The following PDXP variants were observed in gnomAD, a reference collection of about 807,000 sequenced individuals.
The protein encoded by PDXP is pyridoxal phosphatase.
In PDXP, 15 loss-of-function variants were observed where a neutral mutation model predicts 14.4. That is an observed-to-expected ratio of 1.04 (90% CI 0.70 to 1.60). The LOEUF is 1.60. Among genes scored for constraint, PDXP ranks in the 40% most tolerant of loss-of-function variants. PDXP has a pLI of 0.00. For missense variants in PDXP, 413 were observed against 427.6 expected, an observed-to-expected ratio of 0.97 and a Z score of 0.30; for synonymous variants, 233 against 205.6, an observed-to-expected ratio of 1.13 and a Z score of -1.14.
rs753956304 is a variant in PDXP, at chr22:37,665,632, A to G, written c.652A>G (p.Met218Val). The G allele has an allele frequency of 3.1e-6, 5 of 1,613,768 alleles. No individual in the cohort carries two copies. The highest frequency in any genetic ancestry group is 1.6e-4 in the Middle Eastern group (1 of 6,084). ...ALVVGKPSPYMFECITENFSI... is the reference protein window; with the variant it reads ...ALVVGKPSPYVFECITENFSI... ...GGTGGTGGGCAAGCCCAGCCCCTAC[A>G]TGTTCGAGTGCATCACGGAGAACTT... Residue 218 changes from methionine (M) to valine (V), a missense_variant, in exon 2 of 2, where the codon ATG (methionine) becomes GTG (valine). Transcript: ENST00000215904.
At chr22:37,663,691 C>T (rs1329215703) in intron 1 of PDXP, among the ~76,000 whole-genome samples, 2 of 152,012 alleles carry the variant, frequency 1.3e-5, no homozygotes, top group Non-Finnish European at 2.9e-5. Flanking sequence ...CTGCTGCCAC[C>T]TGCTTTTGTC....
At chr22:37,661,606 C>A (rs939411386) in intron 1 of PDXP, among the ~76,000 whole-genome samples, 14 of 152,108 alleles carry the variant, frequency 9.2e-5, no homozygotes, top group Non-Finnish European at 1.5e-4. Flanking sequence ...TGATGGTGGC[C>A]TGGGAGACGG....
intron 1 of PDXP, among the ~76,000 whole-genome samples, chr22:37,660,409 C>G (rs564301811): frequency 6.6e-6 from 1 of 152,308 alleles, no homozygotes; most frequent in African/African-American, 2.4e-5. Context: ...CAGAATTCTG[C>G]CAGCAACTCT....
rs1921063796 is a variant in PDXP, at chr22:37,665,875, C to T, written c.*4C>T. 6.2e-7 allele frequency: 1 copy of T among 1,608,570 alleles called. No homozygotes were observed. Among genetic ancestry groups the T allele is most frequent in the Admixed American group, 1.7e-5 (1 of 59,888 alleles). On this transcript the variant is annotated 3_prime_UTR_variant, in exon 2 of 2. Transcript: ENST00000215904. ...GACAGAGGGGTTGGAGGACTGAGCC[C>T]ACTGCACCTGCAGCCACAGGCCCAC...
Position 37,659,301 on chromosome 22 carries a change from C to G in PDXP, c.519C>G (p.Leu173=). 3.1e-6 allele frequency: 4 copies of G among 1,308,080 alleles called. No individual in the cohort carries two copies. Among genetic ancestry groups the G allele is most frequent in the East Asian group, 2.8e-5 (1 of 35,780 alleles). The allele number at this position is 1,308,080 out of a possible 1,614,324, so 81.0% of individuals were successfully genotyped here. A position where few individuals can be genotyped will look rare whatever the true frequency, so the allele number is the denominator to read the frequency against. The change falls in exon 1 of 2, where the codon CTC becomes CTG. Residue 173 remains leucine, a synonymous_variant. Coordinates refer to ENST00000215904, the MANE Select transcript of PDXP (RefSeq NM_020315.5). ...CAHLRDPECL[L]VATDRDPWHP... ...ACCTGCGCGACCCCGAGTGCCTACTCGTGGCCACCGACCGTGACCCATGGC... is the reference window on the plus strand; with the variant it reads ...ACCTGCGCGACCCCGAGTGCCTACTGGTGGCCACCGACCGTGACCCATGGC...
At chr22:37,660,967 T>G (rs1035527310) in intron 1 of PDXP, among the ~76,000 whole-genome samples, 1 of 152,108 alleles carries the variant, frequency 6.6e-6, no homozygotes, top group Non-Finnish European at 1.5e-5. Flanking sequence ...TCAGCCTCAG[T>G]TTCCCTATAA....
rs1933137145 is a variant in PDXP at position 37,658,895 on chromosome 22, C to T, written c.113C>T (p.Pro38Leu). 2 of 1,223,054 alleles carry T rather than the reference C, an allele frequency of 1.6e-6. No homozygotes were observed. Among genetic ancestry groups the T allele is most frequent in the Non-Finnish European group, 2.0e-6 (2 of 980,992 alleles). The allele number at this position is 1,223,054 out of a possible 1,614,324, so 75.8% of individuals were successfully genotyped here. The change falls in exon 1 of 2, where the codon CCG becomes CTG. Residue 38 changes from proline to leucine, a missense_variant. Pro to Leu is a moderately conservative substitution (Grantham distance 98, BLOSUM62 -3). Coordinates refer to ENST00000215904, the MANE Select transcript of PDXP (RefSeq NM_020315.5). The stretch of plus-strand genomic sequence containing the variant: ...CTGTGGAACGGCGAGCGCGCCGTGC[C>T]GGGCGCCCCGGAGCTGCTGGAGCGG... ...GVLWNGERAV[P>L]GAPELLERLA...
In PDXP at chr22:37,665,812, C is replaced by T. The variant is rs1921060177; in HGVS notation, c.832C>T (p.Leu278Phe). ...QAYLAAGQHD[L>F]VPHYYVESIA... ...CTACCTAGCGGCCGGCCAGCACGAC[C>T]TCGTGCCCCATTACTATGTGGAGAG... The change falls in exon 2 of 2, where the codon CTC becomes TTC. Residue 278 changes from leucine (L) to phenylalanine (F), a missense_variant. Coordinates refer to ENST00000215904, the MANE Select transcript of PDXP (RefSeq NM_020315.5). 1 of 1,613,932 alleles carries T rather than the reference C, an allele frequency of 6.2e-7. No homozygotes were observed. The highest frequency in any genetic ancestry group is 1.3e-5 in the African/African-American group (1 of 74,954).
chr22:37,664,103 G>A (rs1920996238), intron 1 of PDXP, among the ~76,000 whole-genome samples: 1 of 151,522 alleles, frequency 6.6e-6, no homozygotes, highest in Admixed American at 6.6e-5. Context: ...GCTAATTTTT[G>A]TGTTTTTAGT....
Position 37,665,679 on chromosome 22 carries a change from G to A in PDXP, c.699G>A (p.Thr233=), listed in dbSNP as rs773408710. 27 of 1,614,004 alleles carry A rather than the reference G, an allele frequency of 1.7e-5. No individual in the cohort carries two copies. Among genetic ancestry groups the A allele is most frequent in the Non-Finnish European group, 1.9e-5 (22 of 1,180,026 alleles). The change falls in exon 2 of 2, where the codon ACG becomes ACA. Residue 233 remains threonine, a synonymous_variant. Coordinates refer to ENST00000215904, the MANE Select transcript of PDXP (RefSeq NM_020315.5). Reference sequence around the variant, plus strand: ...ACTTCAGCATCGACCCCGCACGCACGCTTATGGTGGGTGACCGCCTGGAGA... The same window carrying A: ...ACTTCAGCATCGACCCCGCACGCACACTTATGGTGGGTGACCGCCTGGAGA... The part of the protein sequence containing the change: ...TENFSIDPAR[T]LMVGDRLETD...
In PDXP at chr22:37,660,929, A is replaced by C. The variant is rs150389072; in HGVS notation, c.574+1573A>C. Among the ~76,000 whole-genome samples, 506 of 152,212 alleles carry C rather than the reference A, an allele frequency of 3.3e-3. 7 individuals carry two copies. Among genetic ancestry groups the C allele is most frequent in the African/African-American group, 0.012 (488 of 41,528 alleles). ...TTGGCCTCTCCTGGCTGTGCTGCAC[A>C]CCTGCTTGGTATGTGGGCGGGCTCA... On this transcript the variant is annotated intron_variant, in intron 1 of 1. Transcript: ENST00000215904.
Position 37,665,852 on chromosome 22 carries a change from CAG to C in PDXP, c.875_876del (p.Glu292GlyfsTer98), listed in dbSNP as rs1921061980. On this transcript the variant is annotated frameshift_variant, in exon 2 of 2. Transcript: ENST00000215904. LOFTEE classifies it high-confidence loss of function. ...TATGTGGAGAGCATCGCAGACTTGA[CAG>C]AGGGGTTGGAGGACTGAGCCCACTG... The C allele has an allele frequency of 1.2e-6, 2 of 1,613,400 alleles. No individual in the cohort carries two copies. Among genetic ancestry groups the C allele is most frequent in the Non-Finnish European group, 1.7e-6 (2 of 1,179,760 alleles).
At chr22:37,662,262 A>G (rs1933221256) in intron 1 of PDXP, among the ~76,000 whole-genome samples, 1 of 152,006 alleles carries the variant, frequency 6.6e-6, no homozygotes, top group Non-Finnish European at 1.5e-5. Context: ...TCTCTTCCTC[A>G]TCTGGGGACA....
rs1197893247 is a variant in PDXP, at chr22:37,665,882, C to A, written c.*11C>A. 1.2e-6 allele frequency: 2 copies of A among 1,606,190 alleles called. No individual in the cohort carries two copies. The highest frequency in any genetic ancestry group is 1.7e-4 in the Middle Eastern group (1 of 6,044). On this transcript the variant is annotated 3_prime_UTR_variant, in exon 2 of 2. Transcript: ENST00000215904. ...GGGTTGGAGGACTGAGCCCACTGCA[C>A]CTGCAGCCACAGGCCCACCCCTCCC...
rs375952977 is a variant in PDXP, at chr22:37,664,173, C to T, written c.575-1382C>T. Reference sequence around the variant, plus strand: ...CTTGAACTCCTGACCTCAGATGATCCGCCTGCTTCAGACTCCCAAAGTCCT... The same window carrying T: ...CTTGAACTCCTGACCTCAGATGATCTGCCTGCTTCAGACTCCCAAAGTCCT... On this transcript the variant is annotated intron_variant, in intron 1 of 1. Coordinates refer to ENST00000215904, the MANE Select transcript of PDXP (RefSeq NM_020315.5). Among the ~76,000 whole-genome samples, 43 of 151,902 alleles carry T rather than the reference C, an allele frequency of 2.8e-4. 1 individual carries two copies. The East Asian group carries it at 3.5e-3, about 12-fold the overall frequency.
intron 1 of PDXP, among the ~76,000 whole-genome samples, chr22:37,664,687 C>T (rs913285237): frequency 6.6e-6 from 1 of 152,118 alleles, no homozygotes; most frequent in Non-Finnish European, 1.5e-5. Context: ...GCATGAAGGC[C>T]GAATGTTCTG....
In PDXP at chr22:37,665,715, C is replaced by T; in HGVS notation, c.735C>T (p.Leu245=). The change falls in exon 2 of 2, where the codon CTC becomes CTT. Residue 245 remains leucine (L), a synonymous_variant. Coordinates refer to ENST00000215904, the MANE Select transcript of PDXP (RefSeq NM_020315.5). ...MVGDRLETDI[L]FGHRCGMTTV... is the part of the protein sequence containing the mutation. ...GTGACCGCCTGGAGACCGACATCCT[C>T]TTTGGCCACCGCTGCGGCATGACCA... The T allele has an allele frequency of 1.2e-6, 2 of 1,614,178 alleles. No homozygotes were observed. The highest frequency in any genetic ancestry group is 1.7e-6 in the Non-Finnish European group (2 of 1,180,034).
rs1601594868 is a variant in PDXP at position 37,659,074 on chromosome 22, C to T, written c.292C>T (p.Gln98Ter). 10 of 1,100,796 alleles carry T rather than the reference C, an allele frequency of 9.1e-6. No individual in the cohort carries two copies. The highest frequency in any genetic ancestry group is 1.1e-5 in the Non-Finnish European group (10 of 905,294). The allele number at this position is 1,100,796 out of a possible 1,614,324, so 68.2% of individuals were successfully genotyped here. Residue 98 changes from glutamine (Q) to a stop codon, truncating the protein, a stop_gained, in exon 1 of 2, where the codon CAG (glutamine) becomes TAG (stop). Coordinates refer to ENST00000215904, the MANE Select transcript of PDXP (RefSeq NM_020315.5). LOFTEE classifies it high-confidence loss of function. ...GCTGTGCGCCGCGCGCCTGCTGCGC[C>T]AGCGCCTGCCCGGGCCTCCGGACGC... ...SALCAARLLR[Q>*]RLPGPPDAPG...
chr22:37,659,023 C>A lies in PDXP; in HGVS notation c.241C>A (p.Arg81Ser). 8.5e-7 allele frequency: 1 copy of A among 1,180,284 alleles called. No homozygotes were observed. Among genetic ancestry groups the A allele is most frequent in the Non-Finnish European group, 1.1e-6 (1 of 952,158 alleles). 73.1% of individuals were successfully genotyped at this position (1,180,284 alleles called of 1,614,324 possible). Residue 81 changes from arginine to serine, a missense_variant, in exon 1 of 2, where the codon CGC becomes AGC. Transcript: ENST00000215904. ...RFARLGFGGL[R>S]AEQLFSSALC... ...CGCGCGCCTCGGCTTCGGGGGGCTG[C>A]GCGCCGAGCAGCTCTTCAGCTCCGC...
Sources: gnomAD v4.1 joint callset for allele counts (sites outside exome capture counted in the v4.1 genomes callset) on GRCh38, gnomAD v4.1.1 for gene constraint, MANE v1.5 for transcripts, NCBI Gene and HGNC (gene_info 2026-07-23, HGNC 2026-07-21) for gene names.